The following TOP1 variants were observed in gnomAD, a reference collection of about 807,000 sequenced individuals.
The protein encoded by TOP1 is DNA topoisomerase 1.
TOP1 carries 10 observed loss-of-function variants against 111.1 expected under a neutral mutation model. The observed-to-expected ratio is 0.09, with a 90% CI of 0.06 to 0.15. The LOEUF is 0.15. Among genes scored for constraint, TOP1 ranks in the 10% least tolerant of loss-of-function variants. The pLI is 1.00. For missense variants in TOP1, 474 were observed against 926.7 expected, an observed-to-expected ratio of 0.51 and a Z score of 6.34; for synonymous variants, 271 against 302.9, an observed-to-expected ratio of 0.89 and a Z score of 1.10.
At chr20:41,099,445 G>C (rs1600588917) in intron 11 of TOP1, among the ~76,000 whole-genome samples, 2 of 152,130 alleles carry the variant, frequency 1.3e-5, no homozygotes, top group African/African-American at 4.8e-5. Flanking sequence ...GTCTGAATCT[G>C]TTCCCACCCA....
chr20:41,045,946 A>G (rs1304395732), intron 2 of TOP1, among the ~76,000 whole-genome samples: 1 of 152,162 alleles, frequency 6.6e-6, no homozygotes, highest in Non-Finnish European at 1.5e-5. Flanking sequence ...TTAGCTAGAC[A>G]TATATTAGTC....
chr20:41,099,009 C>A (rs1034411977), intron 11 of TOP1, among the ~76,000 whole-genome samples: 1 of 152,096 alleles, frequency 6.6e-6, no homozygotes, highest in African/African-American at 2.4e-5. Context: ...AAGTTGTCAG[C>A]CCCTGAACTA....
chr20:41,096,255 A>T (rs1033270024), intron 9 of TOP1, among the ~76,000 whole-genome samples: 1 of 152,086 alleles, frequency 6.6e-6, no homozygotes, highest in Non-Finnish European at 1.5e-5. Flanking sequence ...TTTAGTAGAG[A>T]TGGGTTTTCG....
In TOP1 at chr20:41,116,949, C is replaced by G. The variant is rs1438413037; in HGVS notation, c.1822+557C>G. Among the ~76,000 whole-genome samples, 2 of 151,974 alleles carry G rather than the reference C, an allele frequency of 1.3e-5. No individual in the cohort carries two copies. The highest frequency in any genetic ancestry group is 3.9e-4 in the East Asian group (2 of 5,192). On this transcript the variant is annotated intron_variant, in intron 17 of 20. Transcript: ENST00000361337. The surrounding 1 kb of genome is among the most constrained non-coding windows in gnomAD (Gnocchi z 5.6). ...GGCCTTAGAATATGAACCAGAAAAG[C>G]CAGAGGTAGGTATGTTGAGGGTCAG...
chr20:41,107,045 C>A (rs1190086561), intron 13 of TOP1, among the ~76,000 whole-genome samples: 1 of 152,096 alleles, frequency 6.6e-6, no homozygotes, highest in Non-Finnish European at 1.5e-5. Context: ...TTGAAATACA[C>A]CCTTTAATGT....
rs200369400 is a variant in TOP1 at position 41,118,285 on chromosome 20, T to A, written c.1939T>A (p.Leu647Met). Residue 647 changes from leucine to methionine, a missense_variant, in exon 18 of 21, where the codon TTG becomes ATG. Leu to Met is a conservative substitution (Grantham distance 15). This residue lies in a region of TOP1 where 13 missense variants were observed against 56.8 expected (regional missense o/e 0.23). Coordinates refer to ENST00000361337, the MANE Select transcript of TOP1 (RefSeq NM_003286.4). The surrounding 1 kb of genome is among the most constrained non-coding windows in gnomAD (Gnocchi z 4.6). ...PKTFEKSMMN[L>M]QTKIDAKKEQ... ...AACTTTTGAGAAGTCTATGATGAACTTGCAAACTAAGGTATCTTGGATAAA... is the reference window on the plus strand; with the variant it reads ...AACTTTTGAGAAGTCTATGATGAACATGCAAACTAAGGTATCTTGGATAAA... 6.2e-7 allele frequency: 1 copy of A among 1,613,992 alleles called. No individual in the cohort carries two copies. The highest frequency in any genetic ancestry group is 8.5e-7 in the Non-Finnish European group (1 of 1,179,984).
chr20:41,053,314 T>C (rs751037887), intron 2 of TOP1, among the ~76,000 whole-genome samples: 2 of 152,168 alleles, frequency 1.3e-5, no homozygotes, highest in Non-Finnish European at 2.9e-5. Flanking sequence ...GAAGCCTATG[T>C]TAACTCCTAA....
At chr20:41,044,793 TGA>T (rs138421052) in intron 2 of TOP1, among the ~76,000 whole-genome samples, 17 of 148,878 alleles carry the variant, frequency 1.1e-4, no homozygotes, top group Non-Finnish European at 1.0e-4. Flanking sequence ...TGTGTGTGAG[TGA>T]GAGAGAGAGA....
rs182929492 is a variant in TOP1, at chr20:41,074,653, T to A, written c.156-1518T>A. 3.0e-4 allele frequency among the ~76,000 whole-genome samples: 45 copies of A among 152,356 alleles called. No homozygotes were observed. The East Asian group carries it at 6.7e-3, about 23-fold the overall frequency. Reference sequence around the variant, plus strand: ...GTGCAGGGTGTAATAGCAGATGTTCTCCTGATCTAGATTTTGTTGCTCTGC... The same window carrying A: ...GTGCAGGGTGTAATAGCAGATGTTCACCTGATCTAGATTTTGTTGCTCTGC... On this transcript the variant is annotated intron_variant, in intron 3 of 20. Transcript: ENST00000361337.
At chr20:41,049,226 T>C (rs2033371883) in intron 2 of TOP1, among the ~76,000 whole-genome samples, 1 of 152,198 alleles carries the variant, frequency 6.6e-6, no homozygotes, top group Non-Finnish European at 1.5e-5. Context: ...ATTCTTGAAG[T>C]GTTTTTAAGT....
rs1475443838 is a variant in TOP1 at position 41,098,202 on chromosome 20, TTC to T, written c.853-11_853-10del. ...GTTGTTTTTCTTTCATCTCCCCATT[TTC>T]TTTTGACTAGGAAATGACTAATGAA... On this transcript the variant is annotated splice_polypyrimidine_tract_variant and intron_variant, in intron 10 of 20. Coordinates refer to ENST00000361337, the MANE Select transcript of TOP1 (RefSeq NM_003286.4). The surrounding 1 kb of genome is among the most constrained non-coding windows in gnomAD (Gnocchi z 5.7). The T allele has an allele frequency of 6.2e-7, 1 of 1,613,664 alleles. No homozygotes were observed. The highest frequency in any genetic ancestry group is 8.5e-7 in the Non-Finnish European group (1 of 1,179,590).
chr20:41,120,832 C>T (rs191632523), intron 18 of TOP1, among the ~76,000 whole-genome samples: 274 of 152,314 alleles, frequency 1.8e-3, no homozygotes, highest in African/African-American at 6.4e-3. Context: ...AGCTCTGCCT[C>T]CCGGGTTCAT....
chr20:41,051,485 AAG>A (rs1383662986), intron 2 of TOP1, among the ~76,000 whole-genome samples: 1 of 152,206 alleles, frequency 6.6e-6, no homozygotes, highest in African/African-American at 2.4e-5. Flanking sequence ...TCCCTTAAGA[AAG>A]AGTAAATGTT....
Position 41,029,032 on chromosome 20 carries a change from C to A in TOP1, c.-36C>A, listed in dbSNP as rs2033078717. The A allele has an allele frequency of 1.3e-6, 2 of 1,540,116 alleles. No individual in the cohort carries two copies. The highest frequency in any genetic ancestry group is 2.8e-5 in the African/African-American group (2 of 71,002). On this transcript the variant is annotated 5_prime_UTR_variant, in exon 1 of 21. Coordinates refer to ENST00000361337, the MANE Select transcript of TOP1 (RefSeq NM_003286.4). The surrounding 1 kb of genome is among the most constrained non-coding windows in gnomAD (Gnocchi z 6.1). ...CGCCGTCTGCGTCTCCCCCACGCCG[C>A]CTCGCCTGCCGCCGCGCTCGTCCCT...
intron 2 of TOP1, among the ~76,000 whole-genome samples, chr20:41,040,382 T>G (rs1417926125): frequency 6.6e-6 from 1 of 152,258 alleles, no homozygotes; most frequent in Non-Finnish European, 1.5e-5. Context: ...TCTTACTATT[T>G]AATACCAGAA....
In TOP1 at chr20:41,102,696, T is replaced by C. The variant is rs897352538; in HGVS notation, c.1308+1343T>C. Among the ~76,000 whole-genome samples the C allele has an allele frequency of 2.0e-5, 3 of 152,190 alleles. No homozygotes were observed. The highest frequency in any genetic ancestry group is 4.8e-5 in the African/African-American group (2 of 41,460). ...AAAATCAGAAAGCGAACACTTATGT[T>C]GAGCAGACTAGTCATTTAAAGAAAC... On this transcript the variant is annotated intron_variant, in intron 13 of 20. Transcript: ENST00000361337. This position sits in a 1 kb window ranked among gnomAD's most constrained non-coding sequence, Gnocchi z 4.0.
chr20:41,074,911 ATTGCTTCTTTAGTC>A (rs372647798), intron 3 of TOP1, among the ~76,000 whole-genome samples: 2 of 152,226 alleles, frequency 1.3e-5, no homozygotes, highest in East Asian at 3.9e-4. Context: ...GTTTTTGCTT[ATTGCTTCTTTAGTC>A]TTTGACCACA....
At position 41,101,427 on chromosome 20, in the gene TOP1, TC is replaced by T; in HGVS notation, c.1308+76del. 7.0e-7 allele frequency: 1 copy of T among 1,429,748 alleles called. No homozygotes were observed. Among genetic ancestry groups the T allele is most frequent in the South Asian group, 1.4e-5 (1 of 71,988 alleles). The allele number at this position is 1,429,748 out of a possible 1,614,324, so 88.6% of individuals were successfully genotyped here. A position where few individuals can be genotyped will look rare whatever the true frequency, so the allele number is the denominator to read the frequency against. ...TTTTTGTTGAAATGTAACGTTCTCG[TC>T]CTCTAGAATCACTTTGACAAATTAA... is the stretch of plus-strand genomic sequence containing the variant. On this transcript the variant is annotated intron_variant, in intron 13 of 20. Transcript: ENST00000361337. This position sits in a 1 kb window ranked among gnomAD's most constrained non-coding sequence, Gnocchi z 4.1.
At chr20:41,104,067 T>C (rs1315020601) in intron 13 of TOP1, among the ~76,000 whole-genome samples, 1 of 152,180 alleles carries the variant, frequency 6.6e-6, no homozygotes, top group East Asian at 1.9e-4. Flanking sequence ...AAGGGCTCAG[T>C]CTCTTTAACA....
Sources: allele counts gnomAD v4.1 joint callset (sites outside exome capture counted in the v4.1 genomes callset), GRCh38; gene constraint gnomAD v4.1.1; regional missense constraint gnomAD v4.1.1; non-coding constraint Gnocchi (gnomAD v3.1); transcripts MANE v1.5; gene names NCBI Gene and HGNC (gene_info 2026-07-23, HGNC 2026-07-21).